CNTNAP4: variants seen among roughly 807,000 people sequenced by gnomAD.
The protein encoded by CNTNAP4 is contactin-associated protein-like 4.
A neutral mutation model predicts 148.4 loss-of-function variants in CNTNAP4; 98 were observed. The ratio of observed to expected loss-of-function variants is 0.66; its 90% CI spans 0.56 to 0.78. The LOEUF (loss-of-function observed/expected upper bound fraction) is 0.78. CNTNAP4 is among the 30% of genes least tolerant of loss of function. The pLI is 0.00. For synonymous variants in CNTNAP4, 730 were observed against 565.1 expected, an observed-to-expected ratio of 1.29 and a Z score of -4.14; for missense variants, 1,935 against 1,565.6, an observed-to-expected ratio of 1.24 and a Z score of -3.98.
intron 3 of CNTNAP4, among the ~76,000 whole-genome samples, chr16:76,373,703 T>G (rs1171223582): frequency 6.6e-6 from 1 of 151,982 alleles, no homozygotes; most frequent in African/African-American, 2.4e-5. Flanking sequence ...AAGACCAGTC[T>G]GGCCAACATG....
In CNTNAP4 at chr16:76,330,276, G is replaced by A. The variant is rs565575960; in HGVS notation, c.196+13753G>A. On this transcript the variant is annotated intron_variant, in intron 2 of 23. Coordinates refer to ENST00000611870, the MANE Select transcript of CNTNAP4 (RefSeq NM_033401.5). ...TTCTGAAAAAGGTGATAAATTCTGT[G>A]TATTCATGGCCTGTAATCTCTGTCT... is the stretch of plus-strand genomic sequence containing the variant. Among the ~76,000 whole-genome samples, 6 of 152,134 alleles carry A rather than the reference G, an allele frequency of 3.9e-5. No individual in the cohort carries two copies. The East Asian group carries it at 5.8e-4, about 15-fold the overall frequency.
chr16:76,369,891 C>T (rs1358159943), intron 3 of CNTNAP4, among the ~76,000 whole-genome samples: 1 of 151,894 alleles, frequency 6.6e-6, no homozygotes, highest in Non-Finnish European at 1.5e-5. Context: ...GCCCTTTCTC[C>T]TCCGTTTTGT....
chr16:76,524,853 G>C (rs1341255815), intron 17 of CNTNAP4, among the ~76,000 whole-genome samples: 2 of 152,070 alleles, frequency 1.3e-5, no homozygotes, highest in African/African-American at 4.8e-5. Flanking sequence ...TGTGAAAAAA[G>C]GTGACATATA....
At position 76,448,618 on chromosome 16, in the gene CNTNAP4, A is replaced by T. The variant is rs974855933; in HGVS notation, c.743-149A>T. ...AAGGTTGAGATATTATTATATTGAA[A>T]CTTCGGGGAAATGCATCCTAGTATT... On this transcript the variant is annotated intron_variant, in intron 5 of 23. Transcript: ENST00000611870. The T allele has an allele frequency of 6.8e-6, 4 of 586,844 alleles. No individual in the cohort carries two copies. In the African/African-American group the frequency reaches 7.7e-5, roughly 11 times the overall value. The allele number at this position is 586,844 out of a possible 1,614,324, so 36.4% of individuals were successfully genotyped here.
At chr16:76,447,324 A>G (rs944854070) in intron 4 of CNTNAP4, among the ~76,000 whole-genome samples, 8 of 135,152 alleles carry the variant, frequency 5.9e-5, no homozygotes, top group Admixed American at 2.6e-4. Context: ...GAAAAATTAT[A>G]TATATGAAAT....
intron 12 of CNTNAP4, among the ~76,000 whole-genome samples, chr16:76,485,073 TA>T (rs2143725050): frequency 6.6e-6 from 1 of 152,254 alleles, no homozygotes; most frequent in South Asian, 2.1e-4. Flanking sequence ...TTAGTTAGAG[TA>T]AGGTGAATCC....
intron 2 of CNTNAP4, among the ~76,000 whole-genome samples, chr16:76,322,239 G>A (rs1246805790): frequency 6.6e-6 from 1 of 152,246 alleles, no homozygotes; most frequent in Admixed American, 6.5e-5. Context: ...TGATATTTCT[G>A]TCTTGAGCCC....
At chr16:76,507,389 C>T in intron 15 of CNTNAP4, among the ~76,000 whole-genome samples, 1 of 97,090 alleles carries the variant, frequency 1.0e-5, no homozygotes, top group Non-Finnish European at 2.9e-5. Flanking sequence ...CTTTGCCAGC[C>T]TCTGGTAATC....
chr16:76,491,839 C>G (rs917905248), intron 13 of CNTNAP4, among the ~76,000 whole-genome samples: 3 of 135,024 alleles, frequency 2.2e-5, no homozygotes, highest in Non-Finnish European at 4.8e-5. Context: ...CTATTTAAGG[C>G]TGAATGATAT....
chr16:76,537,486 T>C (rs547903585), intron 18 of CNTNAP4, among the ~76,000 whole-genome samples: 7 of 152,118 alleles, frequency 4.6e-5, no homozygotes, highest in South Asian at 4.2e-4. Context: ...CAGAGAGAAT[T>C]TGGGATATTA....
intron 4 of CNTNAP4, among the ~76,000 whole-genome samples, chr16:76,430,395 A>G (rs1485634620): frequency 6.6e-6 from 1 of 152,238 alleles, no homozygotes; most frequent in East Asian, 1.9e-4. Flanking sequence ...CTGCCCTCAG[A>G]AGGAAGGGCT....
At chr16:76,373,153 G>T (rs1239899888) in intron 3 of CNTNAP4, among the ~76,000 whole-genome samples, 1 of 151,058 alleles carries the variant, frequency 6.6e-6, no homozygotes, top group Non-Finnish European at 1.5e-5. Context: ...ACATAAATAG[G>T]TGAATATATT....
intron 3 of CNTNAP4, among the ~76,000 whole-genome samples, chr16:76,371,773 C>T (rs1363853262): frequency 1.3e-5 from 2 of 152,212 alleles, no homozygotes; most frequent in African/African-American, 2.4e-5. Flanking sequence ...AATTGTTGCT[C>T]TTAAGACATT....
chr16:76,418,568 T>A (rs1052222374), intron 3 of CNTNAP4, among the ~76,000 whole-genome samples: 3 of 151,728 alleles, frequency 2.0e-5, no homozygotes, highest in East Asian at 3.9e-4. Flanking sequence ...AGTTTTCATC[T>A]CTCGATTACA....
chr16:76,309,813 T>G lies in CNTNAP4; in HGVS notation c.86-6600T>G, dbSNP rs534724978. 1.3e-5 allele frequency: 9 copies of G among 699,822 alleles called. No individual in the cohort carries two copies. In the East Asian group the frequency reaches 1.3e-4, roughly 10 times the overall value. The allele number at this position is 699,822 out of a possible 1,614,324, so 43.4% of individuals were successfully genotyped here. A position where few individuals can be genotyped will look rare whatever the true frequency, so the allele number is the denominator to read the frequency against. Reference sequence around the variant, plus strand: ...GTGATAGTGAGTAAGTGTCATGAGATCTGATGGGTTGCTCAGGGGTTTCCG... The same window carrying G: ...GTGATAGTGAGTAAGTGTCATGAGAGCTGATGGGTTGCTCAGGGGTTTCCG... On this transcript the variant is annotated intron_variant, in intron 1 of 23. Coordinates refer to ENST00000611870, the MANE Select transcript of CNTNAP4 (RefSeq NM_033401.5).
chr16:76,528,254 G>C (rs1242901208), intron 17 of CNTNAP4, among the ~76,000 whole-genome samples: 1 of 151,938 alleles, frequency 6.6e-6, no homozygotes, highest in Non-Finnish European at 1.5e-5. Context: ...TAAGTTTTTT[G>C]AGATTAACAT....
At position 76,430,003 on chromosome 16, in the gene CNTNAP4, A is replaced by G. The variant is rs149058833; in HGVS notation, c.538+2404A>G. On this transcript the variant is annotated intron_variant, in intron 4 of 23. Transcript: ENST00000611870. ...AAAGTAATAAACTTAATGGATAAAC[A>G]TTCTTGTAGATAATCAGAAAATAAC... Among the ~76,000 whole-genome samples the G allele has an allele frequency of 3.3e-5, 5 of 152,314 alleles. No homozygotes were observed. In the South Asian group the frequency reaches 6.2e-4, roughly 19 times the overall value.
rs2085374044 is a variant in CNTNAP4 at position 76,560,550 on chromosome 16, C to T, written c.*1867C>T. 6.6e-6 allele frequency among the ~76,000 whole-genome samples: 1 copy of T among 152,076 alleles called. No homozygotes were observed. Among genetic ancestry groups the T allele is most frequent in the African/African-American group, 2.4e-5 (1 of 41,406 alleles). ...TATCTCTGAATCTTTTGCAGATGTT[C>T]ATGTTATTTAGTAGCGGTATTAACC... On this transcript the variant is annotated 3_prime_UTR_variant, in exon 24 of 24. Coordinates refer to ENST00000611870, the MANE Select transcript of CNTNAP4 (RefSeq NM_033401.5).
At chr16:76,381,459 G>T (rs2015955690) in intron 3 of CNTNAP4, among the ~76,000 whole-genome samples, 1 of 152,118 alleles carries the variant, frequency 6.6e-6, no homozygotes, top group South Asian at 2.1e-4. Context: ...AGATGACCAG[G>T]AATACCTGAG....
Sources: allele counts gnomAD v4.1 joint callset (sites outside exome capture counted in the v4.1 genomes callset), GRCh38; gene constraint gnomAD v4.1.1; transcripts MANE v1.5; gene names NCBI Gene and HGNC (gene_info 2026-07-23, HGNC 2026-07-21).